The following SPEN variants were observed in gnomAD, a reference collection of about 807,000 sequenced individuals.
SPEN encodes spen family transcriptional repressor.
A neutral mutation model predicts 269.9 loss-of-function variants in SPEN; 18 were observed. That is an observed-to-expected ratio of 0.07 (90% confidence interval 0.05 to 0.10). The LOEUF is 0.10. Ranked by LOEUF, SPEN falls within the 10% of genes least tolerant of loss-of-function variation. The pLI, the probability that SPEN is intolerant of heterozygous loss-of-function variation, is 1.00. For synonymous variants in SPEN, 1,726 were observed against 1,765.7 expected (o/e 0.98, Z 0.56); for missense variants, 3,822 against 4,631.2 (o/e 0.83, Z 5.07).
At chr1:15,888,995 TC>T (rs1445882706) in intron 3 of SPEN, among the ~76,000 whole-genome samples, 1 of 152,120 alleles carries the variant, frequency 6.6e-6, no homozygotes, top group African/African-American at 2.4e-5. Flanking sequence ...TTTCCTTATA[TC>T]TCTTTTGGGG....
At chr1:15,901,417 GC>G (rs925382146) in intron 3 of SPEN, among the ~76,000 whole-genome samples, 1 of 151,520 alleles carries the variant, frequency 6.6e-6, no homozygotes, top group Non-Finnish European at 1.5e-5. Flanking sequence ...TCAGCAGATT[GC>G]TTGAGCTCAG....
rs202014909 is a variant in SPEN at position 15,922,368 on chromosome 1, C to T, written c.1850+19C>T. On this transcript the variant is annotated intron_variant, in intron 10 of 14. Coordinates refer to ENST00000375759, the MANE Select transcript of SPEN (RefSeq NM_015001.3). ...AAAGAAGGTATGTATTTTAAACTTA[C>T]CAGTGTAGCTTGAGTTTTAATAGTT... 3 of 1,534,280 alleles carry T rather than the reference C, an allele frequency of 2.0e-6. No homozygotes were observed. Among genetic ancestry groups the T allele is most frequent in the African/African-American group, 2.8e-5 (2 of 71,834 alleles).
chr1:15,873,167 T>G lies in SPEN; in HGVS notation c.404+31T>G, dbSNP rs755325016. 2.6e-6 allele frequency: 4 copies of G among 1,566,012 alleles called. No individual in the cohort carries two copies. Among genetic ancestry groups the G allele is most frequent in the Non-Finnish European group, 3.5e-6 (4 of 1,151,606 alleles). ...TTCCAAGGTTTCTGTAGGCAGGTAT[T>G]TTGTATTTGATATGGTGAGAAACAG... On this transcript the variant is annotated intron_variant, in intron 2 of 14. Transcript: ENST00000375759.
intron 1 of SPEN, among the ~76,000 whole-genome samples, chr1:15,866,492 T>A (rs1569980322): frequency 1.3e-5 from 2 of 152,112 alleles, no homozygotes; most frequent in South Asian, 4.1e-4. Context: ...TAGCTGGGAC[T>A]ACAGGCGCCT....
chr1:15,893,046 T>C (rs1006069309), intron 3 of SPEN, among the ~76,000 whole-genome samples: 2 of 152,108 alleles, frequency 1.3e-5, no homozygotes, highest in African/African-American at 4.8e-5. Context: ...TGCAGTGAGC[T>C]GAGATTGCGC....
In SPEN at chr1:15,931,037, A is replaced by AAAAGAC. The variant is rs1327942658; in HGVS notation, c.4798_4803dup (p.Lys1600_Asp1601dup). 7 of 1,613,432 alleles carry AAAAGAC rather than the reference A, an allele frequency of 4.3e-6. No homozygotes were observed. Among genetic ancestry groups the AAAAGAC allele is most frequent in the Non-Finnish European group, 5.9e-6 (7 of 1,179,908 alleles). On this transcript the variant is annotated inframe_insertion, in exon 11 of 15. Coordinates refer to ENST00000375759, the MANE Select transcript of SPEN (RefSeq NM_015001.3). This position sits in a 1 kb window ranked among gnomAD's most constrained non-coding sequence, Gnocchi z 4.8. ...CACGGATGCAACAGAAAGAAAAAGA[A>AAAAGAC]AAAGACCAGAAACCCAAAGAGGTTG... is the stretch of plus-strand genomic sequence containing the variant.
chr1:15,849,942 T>G (rs2070317139), intron 1 of SPEN, among the ~76,000 whole-genome samples: 1 of 152,180 alleles, frequency 6.6e-6, no homozygotes, highest in Non-Finnish European at 1.5e-5. Context: ...CTCCTCAGTG[T>G]TATGTGCCTA....
intron 11 of SPEN, among the ~76,000 whole-genome samples, chr1:15,936,769 C>T (rs1378579965): frequency 6.6e-6 from 1 of 152,100 alleles, no homozygotes; most frequent in Non-Finnish European, 1.5e-5. Flanking sequence ...AAACTCTGTC[C>T]CTACTTAAAG....
intron 3 of SPEN, among the ~76,000 whole-genome samples, chr1:15,877,821 A>G (rs1280704115): frequency 2.1e-5 from 3 of 141,574 alleles, no homozygotes; most frequent in African/African-American, 8.0e-5. Context: ...CTTGGCTCAC[A>G]GCACCCTCCA....
intron 1 of SPEN, among the ~76,000 whole-genome samples, chr1:15,863,772 T>C (rs926950020): frequency 2.0e-5 from 3 of 151,976 alleles, no homozygotes; most frequent in Non-Finnish European, 4.4e-5. Flanking sequence ...GCCTGGGAGG[T>C]TGAGGCTGCA....
At chr1:15,855,678 A>G (rs1332953450) in intron 1 of SPEN, among the ~76,000 whole-genome samples, 1 of 151,994 alleles carries the variant, frequency 6.6e-6, no homozygotes, top group Non-Finnish European at 1.5e-5. Context: ...CCTGGCCAAC[A>G]TGGTGAAACC....
At chr1:15,851,570 C>T (rs1265137069) in intron 1 of SPEN, among the ~76,000 whole-genome samples, 2 of 152,148 alleles carry the variant, frequency 1.3e-5, no homozygotes, top group African/African-American at 4.8e-5. Context: ...AAATATTTAA[C>T]ATCTTTATCT....
At chr1:15,938,629 G>A in intron 13 of SPEN, 89 bp from the exon 14 acceptor site, 1 of 1,240,396 alleles carries the variant, frequency 8.1e-7, no homozygotes, top group Non-Finnish European at 1.1e-6. Context: ...CAGAGGTGGG[G>A]GTTTTTGTGG....
At position 15,870,567 on chromosome 1, in the gene SPEN, G is replaced by C. The variant is rs1181315407; in HGVS notation, c.84-2249G>C. On this transcript the variant is annotated intron_variant, in intron 1 of 14. Coordinates refer to ENST00000375759, the MANE Select transcript of SPEN (RefSeq NM_015001.3). ...GTGTTATTTTCATTGGTGTTCTGTT[G>C]TCTTGCTTCAAGAATGACTCAGAGA... is the stretch of plus-strand genomic sequence containing the variant. 5.3e-5 allele frequency among the ~76,000 whole-genome samples: 8 copies of C among 152,188 alleles called. No homozygotes were observed. The East Asian group carries it at 1.2e-3, about 22-fold the overall frequency.
chr1:15,876,469 T>C lies in SPEN; in HGVS notation c.672T>C (p.Ile224=), dbSNP rs751444401. ...VVHRDIYRDD[I]TREVRGRRPE... ...ACAGGGATATCTACAGGGATGATAT[T>C]ACCCGGGAGGTACGAGGCAGAAGGC... Residue 224 remains isoleucine, a synonymous_variant, in exon 3 of 15, where the codon ATT becomes ATC. Coordinates refer to ENST00000375759, the MANE Select transcript of SPEN (RefSeq NM_015001.3). 1 of 1,614,138 alleles carries C rather than the reference T, an allele frequency of 6.2e-7. No homozygotes were observed. Among genetic ancestry groups the C allele is most frequent in the Non-Finnish European group, 8.5e-7 (1 of 1,180,018 alleles).
Position 15,929,367 on chromosome 1 carries a change from G to C in SPEN, c.3127G>C (p.Glu1043Gln). The C allele has an allele frequency of 6.2e-7, 1 of 1,613,146 alleles. No individual in the cohort carries two copies. Among genetic ancestry groups the C allele is most frequent in the East Asian group, 2.2e-5 (1 of 44,884 alleles). The part of the protein sequence containing the change: ...GEAERKPVRK[E>Q]ILKRESKKIK... ...GGCTGAAAGAAAGCCTGTGAGGAAAGAAATTCTTAAAAGAGAATCTAAAAA... is the reference window on the plus strand; with the variant it reads ...GGCTGAAAGAAAGCCTGTGAGGAAACAAATTCTTAAAAGAGAATCTAAAAA... Residue 1043 changes from glutamate to glutamine, a missense_variant, in exon 11 of 15, where the codon GAA becomes CAA. Glu to Gln is a conservative substitution (Grantham distance 29). Coordinates refer to ENST00000375759, the MANE Select transcript of SPEN (RefSeq NM_015001.3). This position sits in a 1 kb window ranked among gnomAD's most constrained non-coding sequence, Gnocchi z 5.8.
Position 15,909,426 on chromosome 1 carries a change from T to C in SPEN, c.987T>C (p.Asp329=), listed in dbSNP as rs2148728325. 6.2e-7 allele frequency: 1 copy of C among 1,614,242 alleles called. No homozygotes were observed. Among genetic ancestry groups the C allele is most frequent in the Non-Finnish European group, 8.5e-7 (1 of 1,180,040 alleles). ...AGTTGCTTTCATCTCTGGAAAAAGATGAGCCCCGTAAAAGTTTTGGCATCA... is the reference window on the plus strand; with the variant it reads ...AGTTGCTTTCATCTCTGGAAAAAGACGAGCCCCGTAAAAGTTTTGGCATCA... ...TSQLLSSLEK[D]EPRKSFGIKV... is the part of the protein sequence containing the mutation. The change falls in exon 4 of 15, where the codon GAT becomes GAC. Residue 329 remains aspartate, a synonymous_variant. Coordinates refer to ENST00000375759, the MANE Select transcript of SPEN (RefSeq NM_015001.3).
At position 15,855,990 on chromosome 1, in the gene SPEN, C is replaced by CCTTTTTTTTTTTTTTTTTTT. The variant is rs370972899; in HGVS notation, c.83+7840_83+7841insCTTTTTTTTTTTTTTTTTTT. On this transcript the variant is annotated intron_variant, in intron 1 of 14. Coordinates refer to ENST00000375759, the MANE Select transcript of SPEN (RefSeq NM_015001.3). ...TTATTGTGTGAAAAGGATGCTAGAA[C>CCTTTTTTTTTTTTTTTTTTT]TTTTTTTTTTTTTTTTTTTTGAGAC... 2.5e-4 allele frequency among the ~76,000 whole-genome samples: 7 copies of CCTTTTTTTTTTTTTTTTTTT among 28,220 alleles called. 3 individuals carry two copies. Among genetic ancestry groups the CCTTTTTTTTTTTTTTTTTTT allele is most frequent in the Non-Finnish European group, 3.2e-4 (4 of 12,684 alleles). 18.5% of individuals were successfully genotyped at this position (28,220 alleles called of 152,430 possible).
intron 1 of SPEN, among the ~76,000 whole-genome samples, chr1:15,857,357 AC>A (rs1044416689): frequency 7.0e-6 from 1 of 143,694 alleles, no homozygotes; most frequent in Non-Finnish European, 1.5e-5. Context: ...GAGCCACTGC[AC>A]CCAGCCTTTT....
Sources: allele counts gnomAD v4.1 joint callset (sites outside exome capture counted in the v4.1 genomes callset), GRCh38; gene constraint gnomAD v4.1.1; non-coding constraint Gnocchi (gnomAD v3.1); transcripts MANE v1.5; gene names NCBI Gene and HGNC (gene_info 2026-07-23, HGNC 2026-07-21).